PRRC2C: variants seen among roughly 807,000 people sequenced by gnomAD.
The protein encoded by PRRC2C is protein PRRC2C.
PRRC2C carries 72 observed loss-of-function variants against 317.2 expected under a neutral mutation model. The ratio of observed to expected loss-of-function variants is 0.23; its 90% CI spans 0.19 to 0.28. The LOEUF is 0.28. PRRC2C is among the 10% of genes least tolerant of loss of function. PRRC2C has a pLI of 1.00. For missense variants in PRRC2C, 3,074 were observed against 3,459.7 expected (o/e 0.89, Z 2.80); for synonymous variants, 1,296 against 1,205.9 (o/e 1.07, Z -1.55).
At chr1:171,509,049 G>T (rs2102219117) in intron 1 of PRRC2C, among the ~76,000 whole-genome samples, 1 of 152,100 alleles carries the variant, frequency 6.6e-6, no homozygotes, top group East Asian at 1.9e-4. Context: ...ACCATGCCTG[G>T]CTAATTTTTT....
In PRRC2C at chr1:171,561,000, A is replaced by G. The variant is rs751424000; in HGVS notation, c.6032-18A>G. 2.7e-5 allele frequency: 42 copies of G among 1,547,906 alleles called. 1 individual carries two copies. The Middle Eastern group carries it at 6.7e-4, about 25-fold the overall frequency. On this transcript the variant is annotated intron_variant, in intron 19 of 34. Coordinates refer to ENST00000647382, the MANE Select transcript of PRRC2C (RefSeq NM_001387844.1). ...ACTCTAAATCTTAATCATGTTTTTT[A>G]TGGCTTCTTCTTTCCAGTAGGTCCC... is the stretch of plus-strand genomic sequence containing the variant.
Position 171,532,698 on chromosome 1 carries a change from G to C in PRRC2C, c.1610G>C (p.Arg537Thr), listed in dbSNP as rs1174249739. 1 of 1,551,042 alleles carries C rather than the reference G, an allele frequency of 6.4e-7. No individual in the cohort carries two copies. The change falls in exon 12 of 35, where the codon AGA (arginine) becomes ACA (threonine). Residue 537 changes from arginine to threonine, a missense_variant. Arg to Thr is a moderately conservative substitution (Grantham distance 71). Transcript: ENST00000647382. ...CGAGAGAAGGAGAGGGAAAAAGACAGAGAGAGACAGCAGGAAAAGGAGAAA... is the reference window on the plus strand; with the variant it reads ...CGAGAGAAGGAGAGGGAAAAAGACACAGAGAGACAGCAGGAAAAGGAGAAA... ...QEREKEREKD[R>T]ERQQEKEKEL...
intron 1 of PRRC2C, among the ~76,000 whole-genome samples, chr1:171,487,394 G>C (rs1008706706): frequency 3.3e-5 from 5 of 152,146 alleles, no homozygotes; most frequent in African/African-American, 9.7e-5. Flanking sequence ...AACTAAATAA[G>C]ATAAAGCATT....
intron 1 of PRRC2C, among the ~76,000 whole-genome samples, chr1:171,495,512 A>G (rs1667943568): frequency 6.6e-6 from 1 of 152,228 alleles, no homozygotes; most frequent in East Asian, 1.9e-4. Flanking sequence ...TATTGACCAC[A>G]TTCTTTTAAA....
At chr1:171,531,813 G>A (rs1433089011) in intron 11 of PRRC2C, among the ~76,000 whole-genome samples, 1 of 152,136 alleles carries the variant, frequency 6.6e-6, no homozygotes, top group Non-Finnish European at 1.5e-5. Context: ...AGACTAATTT[G>A]TAGGAATTTC....
chr1:171,576,725 C>CTCTG (rs1685758784), intron 25 of PRRC2C, among the ~76,000 whole-genome samples: 1 of 151,890 alleles, frequency 6.6e-6, no homozygotes, highest in South Asian at 2.1e-4. Context: ...TGATGTCTTG[C>CTCTG]TCTGTCGCTC....
chr1:171,550,680 G>A (rs989422844), intron 18 of PRRC2C, among the ~76,000 whole-genome samples: 15 of 142,728 alleles, frequency 1.1e-4, no homozygotes, highest in Admixed American at 3.8e-4. Context: ...AAGTGTTCTC[G>A]TTGTTCAGTT....
rs1292550469 is a variant in PRRC2C at position 171,532,554 on chromosome 1, G to T, written c.1466G>T (p.Arg489Leu). ...GCAGCTTGTGCGGAGAAACTGAAAC[G>T]ATTGGATGAGAAGCTTGGCATCCTG... ...RKAACAEKLK[R>L]LDEKLGILEK... The change falls in exon 12 of 35, where the codon CGA becomes CTA. Residue 489 changes from arginine (R) to leucine (L), a missense_variant. Physicochemically the swap from Arg to Leu is moderately radical, Grantham distance 102. Transcript: ENST00000647382. 9 of 1,582,502 alleles carry T rather than the reference G, an allele frequency of 5.7e-6. No individual in the cohort carries two copies. The African/African-American group carries it at 1.1e-4, about 19-fold the overall frequency.
Position 171,540,511 on chromosome 1 carries a change from A to G in PRRC2C, c.3045A>G (p.Ser1015=). The change falls in exon 16 of 35, where the codon TCA becomes TCG. Residue 1015 remains serine, a synonymous_variant. Transcript: ENST00000647382. The part of the protein sequence containing the change: ...EEVNDRPVRR[S]GPIKKPVLRD... Reference sequence around the variant, plus strand: ...TTAATGATAGACCTGTGAGAAGATCAGGTCCCATTAAAAAACCTGTACTTA... The same window carrying G: ...TTAATGATAGACCTGTGAGAAGATCGGGTCCCATTAAAAAACCTGTACTTA... 18 of 1,613,292 alleles carry G rather than the reference A, an allele frequency of 1.1e-5. No individual in the cohort carries two copies. The highest frequency in any genetic ancestry group is 1.4e-5 in the Non-Finnish European group (17 of 1,179,702).
intron 19 of PRRC2C, 139 bp downstream of exon 19, chr1:171,558,282 C>G: frequency 2.4e-6 from 3 of 1,227,808 alleles, no homozygotes; most frequent in Non-Finnish European, 3.2e-6. Context: ...GTAATCCTCT[C>G]AACTTTCTTA....
intron 33 of PRRC2C, 112 bp from the exon 34 acceptor site, chr1:171,589,257 T>C (rs1002893045): frequency 4.4e-6 from 2 of 455,584 alleles, no homozygotes; most frequent in Non-Finnish European, 7.4e-6. Flanking sequence ...CTTTCACTGG[T>C]AGGATGGGCA....
chr1:171,563,107 G>A (rs1683000997), intron 20 of PRRC2C, among the ~76,000 whole-genome samples: 1 of 152,234 alleles, frequency 6.6e-6, no homozygotes, highest in Admixed American at 6.5e-5. Flanking sequence ...TATTGGTGGA[G>A]TAGTAGGGAT....
rs552189110 is a variant in PRRC2C, at chr1:171,579,817, A to T, written c.7273-11A>T. ...ATATATATGTTTACATACTTTCTCAATGCATTGCAGCCAACTTCAGTTCAG... is the reference window on the plus strand; with the variant it reads ...ATATATATGTTTACATACTTTCTCATTGCATTGCAGCCAACTTCAGTTCAG... On this transcript the variant is annotated splice_polypyrimidine_tract_variant and intron_variant, in intron 27 of 34. Coordinates refer to ENST00000647382, the MANE Select transcript of PRRC2C (RefSeq NM_001387844.1). 158 of 1,534,014 alleles carry T rather than the reference A, an allele frequency of 1.0e-4. 1 individual carries two copies. Among genetic ancestry groups the T allele is most frequent in the Non-Finnish European group, 1.3e-4 (147 of 1,143,232 alleles).
At chr1:171,517,478 C>T (rs1672601179) in intron 5 of PRRC2C, 113 bp from the exon 6 acceptor site, 5 of 973,466 alleles carry the variant, frequency 5.1e-6, no homozygotes, top group Admixed American at 5.2e-5. Flanking sequence ...TTAGACTTTT[C>T]CTGCTCTTTC....
chr1:171,519,766 T>A (rs923966565), intron 6 of PRRC2C, among the ~76,000 whole-genome samples: 6 of 152,236 alleles, frequency 3.9e-5, no homozygotes, highest in African/African-American at 1.4e-4. Context: ...AATATTTGAA[T>A]CCTAAATATC....
intron 27 of PRRC2C, 86 bp downstream of exon 27, chr1:171,579,552 C>T (rs946032938): frequency 6.8e-7 from 1 of 1,469,954 alleles, no homozygotes; most frequent in Non-Finnish European, 9.0e-7. Flanking sequence ...AAATAATAGA[C>T]TCTGAAATTA....
intron 1 of PRRC2C, among the ~76,000 whole-genome samples, chr1:171,500,050 A>G (rs1246458453): frequency 6.6e-6 from 1 of 152,208 alleles, no homozygotes; most frequent in Non-Finnish European, 1.5e-5. Context: ...TTTAATGTTA[A>G]CTATTTAAAT....
Position 171,527,787 on chromosome 1 carries a change from A to G in PRRC2C, c.1201-4A>G. 6.4e-7 allele frequency: 1 copy of G among 1,568,352 alleles called. No individual in the cohort carries two copies. Among genetic ancestry groups the G allele is most frequent in the Non-Finnish European group, 8.7e-7 (1 of 1,154,558 alleles). Reference sequence around the variant, plus strand: ...TAAGAATAATTCTTTCTTCTTTATAATAGGAACGTGGAACATCTTCACATC... The same window carrying G: ...TAAGAATAATTCTTTCTTCTTTATAGTAGGAACGTGGAACATCTTCACATC... On this transcript the variant is annotated splice_polypyrimidine_tract_variant and splice_region_variant and intron_variant, in intron 10 of 34. Coordinates refer to ENST00000647382, the MANE Select transcript of PRRC2C (RefSeq NM_001387844.1).
intron 30 of PRRC2C, among the ~76,000 whole-genome samples, chr1:171,586,139 T>TGC (rs1649896114): frequency 6.8e-6 from 1 of 147,172 alleles, no homozygotes; most frequent in Non-Finnish European, 1.5e-5. Flanking sequence ...CTTGGCTCAC[T>TGC]GCAACCTCCA....
Sources: gnomAD v4.1 joint callset for allele counts (sites outside exome capture counted in the v4.1 genomes callset) on GRCh38, gnomAD v4.1.1 for gene constraint, MANE v1.5 for transcripts, NCBI Gene and HGNC (gene_info 2026-07-23, HGNC 2026-07-21) for gene names.